The following KCNK3 variants were observed in gnomAD, a reference collection of about 807,000 sequenced individuals.
The protein encoded by KCNK3 is potassium two pore domain channel subfamily K member 3.
In KCNK3, 9 loss-of-function variants were observed where a neutral mutation model predicts 27.3. The ratio of observed to expected loss-of-function variants is 0.33; its 90% CI spans 0.20 to 0.57. KCNK3 has a LOEUF of 0.57. Among genes scored for constraint, KCNK3 ranks in the 20% least tolerant of loss-of-function variants. The pLI is 0.87. For missense variants in KCNK3, 391 were observed against 577.7 expected, an observed-to-expected ratio of 0.68 and a Z score of 3.31; for synonymous variants, 278 against 273.8, an observed-to-expected ratio of 1.02 and a Z score of -0.15.
chr2:26,693,260 G>T lies in KCNK3; in HGVS notation c.283+102G>T. The stretch of plus-strand genomic sequence containing the variant: ...GCTGGGGGCGGGGGCTCCCCCGAGA[G>T]GGGCTGGGCGCCGAACCCTGCGCTC... On this transcript the variant is annotated intron_variant, in intron 1 of 1. Transcript: ENST00000302909. The surrounding 1 kb of genome is among the most constrained non-coding windows in gnomAD (Gnocchi z 5.5). The T allele has an allele frequency of 1.7e-6, 2 of 1,162,044 alleles. No homozygotes were observed. 72.0% of individuals were successfully genotyped at this position (1,162,044 alleles called of 1,614,324 possible).
chr2:26,710,454 A>C (rs1663089999), intron 1 of KCNK3, among the ~76,000 whole-genome samples: 1 of 152,120 alleles, frequency 6.6e-6, no homozygotes, highest in Non-Finnish European at 1.5e-5. Flanking sequence ...AGCAACACCC[A>C]CCGGTGCCTG....
intron 1 of KCNK3, among the ~76,000 whole-genome samples, chr2:26,719,383 A>G (rs1198120327): frequency 6.6e-6 from 1 of 152,010 alleles, no homozygotes; most frequent in South Asian, 2.1e-4. Context: ...TCATCCTAAC[A>G]TTGTATCCTT....
chr2:26,693,172 G>T lies in KCNK3; in HGVS notation c.283+14G>T. On this transcript the variant is annotated intron_variant, in intron 1 of 1. Transcript: ENST00000302909. The surrounding 1 kb of genome is among the most constrained non-coding windows in gnomAD (Gnocchi z 5.5). ...TCACCACCATCGGTAACGGCTCGCC[G>T]GGCGGGGGGCGGGAACCCAGGGCTG... The T allele has an allele frequency of 6.6e-7, 1 of 1,522,832 alleles. No individual in the cohort carries two copies. Among genetic ancestry groups the T allele is most frequent in the South Asian group, 1.2e-5 (1 of 80,984 alleles). The allele number at this position is 1,522,832 out of a possible 1,614,324, so 94.3% of individuals were successfully genotyped here. A position where few individuals can be genotyped will look rare whatever the true frequency, so the allele number is the denominator to read the frequency against.
At chr2:26,725,472 G>T (rs1176933259) in intron 1 of KCNK3, among the ~76,000 whole-genome samples, 1 of 152,210 alleles carries the variant, frequency 6.6e-6, no homozygotes, top group African/African-American at 2.4e-5. Context: ...CCTACTTCCT[G>T]TTGAGCCCCA....
chr2:26,715,235 C>T (rs561045961), intron 1 of KCNK3, among the ~76,000 whole-genome samples: 3 of 152,356 alleles, frequency 2.0e-5, no homozygotes, highest in East Asian at 3.9e-4. Flanking sequence ...GGACATAATA[C>T]TCATCTAAAA....
chr2:26,692,752 G>T lies in KCNK3; in HGVS notation c.-124G>T. 4.7e-6 allele frequency: 2 copies of T among 421,988 alleles called. No homozygotes were observed. Among genetic ancestry groups the T allele is most frequent in the Non-Finnish European group, 6.3e-6 (2 of 316,584 alleles). 26.1% of individuals were successfully genotyped at this position (421,988 alleles called of 1,614,324 possible). ...CGGCGGCCCCGGGCGCTGAGCGGGT[G>T]CCCGGCGCGGAGAGCGGCGAGCGCA... is the stretch of plus-strand genomic sequence containing the variant. On this transcript the variant is annotated 5_prime_UTR_variant, in exon 1 of 2. Transcript: ENST00000302909. This position sits in a 1 kb window ranked among gnomAD's most constrained non-coding sequence, Gnocchi z 5.6.
chr2:26,701,495 G>A (rs1311620754), intron 1 of KCNK3, among the ~76,000 whole-genome samples: 3 of 152,226 alleles, frequency 2.0e-5, no homozygotes, highest in African/African-American at 7.2e-5. Flanking sequence ...TGTCTGCCAG[G>A]AAGGCACCTT....
At chr2:26,706,749 A>G (rs563441311) in intron 1 of KCNK3, among the ~76,000 whole-genome samples, 2 of 152,054 alleles carry the variant, frequency 1.3e-5, no homozygotes, top group African/African-American at 4.8e-5. Context: ...GCCTGCTTCC[A>G]GGGGGTGGGC....
chr2:26,725,928 G>A (rs934163733), intron 1 of KCNK3, among the ~76,000 whole-genome samples: 2 of 152,148 alleles, frequency 1.3e-5, no homozygotes, highest in African/African-American at 2.4e-5. Context: ...ATTAATCACA[G>A]TGAGCCATTA....
At position 26,724,593 on chromosome 2, in the gene KCNK3, C is replaced by A. The variant is rs866217751; in HGVS notation, c.284-3074C>A. The stretch of plus-strand genomic sequence containing the variant: ...CTTATTATTCTTAAGCCTCAGCCTG[C>A]GGTAGGAAGTGAGATTGAGCCCTGG... On this transcript the variant is annotated intron_variant, in intron 1 of 1. Transcript: ENST00000302909. 3.6e-5 allele frequency: 35 copies of A among 985,200 alleles called. No homozygotes were observed. In the African/African-American group the frequency reaches 5.9e-4, roughly 17 times the overall value. The allele number at this position is 985,200 out of a possible 1,614,324, so 61.0% of individuals were successfully genotyped here. A position where few individuals can be genotyped will look rare whatever the true frequency, so the allele number is the denominator to read the frequency against.
intron 1 of KCNK3, among the ~76,000 whole-genome samples, chr2:26,722,166 G>T (rs897786303): frequency 6.6e-5 from 10 of 152,296 alleles, no homozygotes; most frequent in African/African-American, 2.4e-4. Flanking sequence ...CCCTGAGAAA[G>T]CCTAGGCTCA....
At chr2:26,713,008 T>G (rs115686252) in intron 1 of KCNK3, among the ~76,000 whole-genome samples, 18 of 152,036 alleles carry the variant, frequency 1.2e-4, no homozygotes, top group African/African-American at 3.9e-4. Context: ...GGGCCACACA[T>G]GCCCCAAGCT....
At chr2:26,726,122 G>A (rs1017444961) in intron 1 of KCNK3, among the ~76,000 whole-genome samples, 1 of 151,940 alleles carries the variant, frequency 6.6e-6, no homozygotes, top group Non-Finnish European at 1.5e-5. Flanking sequence ...GAGAGAGAGA[G>A]AGAGAGAGAG....
rs1663261239 is a variant in KCNK3, at chr2:26,717,933, G to C, written c.284-9734G>C. Reference sequence around the variant, plus strand: ...CTGTGCCAAGCCCCCTTCCAGGTGTGAGGGATCCAGTAGCAAACAAAAGAG... The same window carrying C: ...CTGTGCCAAGCCCCCTTCCAGGTGTCAGGGATCCAGTAGCAAACAAAAGAG... On this transcript the variant is annotated intron_variant, in intron 1 of 1. Transcript: ENST00000302909. Among the ~76,000 whole-genome samples, 6 of 152,220 alleles carry C rather than the reference G, an allele frequency of 3.9e-5. No homozygotes were observed. In the South Asian group the frequency reaches 1.2e-3, roughly 32 times the overall value.
chr2:26,702,508 G>C (rs560936583), intron 1 of KCNK3, among the ~76,000 whole-genome samples: 2 of 152,232 alleles, frequency 1.3e-5, no homozygotes, highest in Non-Finnish European at 2.9e-5. Flanking sequence ...GTGTCCAAGG[G>C]GTTGAACCAG....
intron 1 of KCNK3, among the ~76,000 whole-genome samples, chr2:26,715,029 C>T (rs138043913): frequency 0.015 from 2,236 of 152,356 alleles, 31 homozygotes; most frequent in Non-Finnish European, 0.023. Context: ...TCACCAACCA[C>T]TCACTCAGCC....
At position 26,728,129 on chromosome 2, in the gene KCNK3, T is replaced by G; in HGVS notation, c.746T>G (p.Met249Arg). 2.5e-6 allele frequency: 4 copies of G among 1,604,856 alleles called. No homozygotes were observed. Among genetic ancestry groups the G allele is most frequent in the Non-Finnish European group, 3.4e-6 (4 of 1,175,792 alleles). ...LNLVVLRFMTMNAEDEKRDAE... is the reference protein window; with the variant it reads ...LNLVVLRFMTRNAEDEKRDAE... ...CTCGTGGTGCTGCGCTTCATGACCA[T>G]GAACGCCGAGGACGAGAAGCGCGAC... Residue 249 changes from methionine to arginine, a missense_variant, in exon 2 of 2, where the codon ATG becomes AGG. Met to Arg is a moderately conservative substitution (Grantham distance 91). Around this residue, in one of 4 missense-constraint regions of KCNK3, gnomAD observed 38 missense variants for 80.5 expected, o/e 0.47. Transcript: ENST00000302909.
At chr2:26,720,189 A>C (rs1663302751) in intron 1 of KCNK3, among the ~76,000 whole-genome samples, 1 of 152,148 alleles carries the variant, frequency 6.6e-6, no homozygotes. Flanking sequence ...CAGGAGGTGG[A>C]GGTTGCAGTG....
rs4007222 is a variant in KCNK3 at position 26,712,666 on chromosome 2, A to AGTGT, written c.284-14972_284-14969dup. 9.7e-3 allele frequency among the ~76,000 whole-genome samples: 1,411 copies of AGTGT among 145,688 alleles called. 21 individuals are homozygous for AGTGT. Among genetic ancestry groups the AGTGT allele is most frequent in the African/African-American group, 0.033 (1,287 of 39,538 alleles). ...CAGTAGGGGAGAGGCTGGGTGTTGG[A>AGTGT]GTGTGTGTGTGTGTGTGTGTGTGTG... On this transcript the variant is annotated intron_variant, in intron 1 of 1. Coordinates refer to ENST00000302909, the MANE Select transcript of KCNK3 (RefSeq NM_002246.3).
Sources: allele counts gnomAD v4.1 joint callset (sites outside exome capture counted in the v4.1 genomes callset), GRCh38; gene constraint gnomAD v4.1.1; regional missense constraint gnomAD v4.1.1; non-coding constraint Gnocchi (gnomAD v3.1); transcripts MANE v1.5; gene names NCBI Gene and HGNC (gene_info 2026-07-23, HGNC 2026-07-21).